Variants in ATP2A1 observed in about 807,000 individuals in gnomAD.
ATP2A1 encodes the protein ATPase sarcoplasmic/endoplasmic reticulum Ca2+ transporting 1.
A neutral mutation model predicts 109.5 loss-of-function variants in ATP2A1; 83 were observed. The observed-to-expected ratio is 0.76, with a 90% confidence interval of 0.63 to 0.91. The LOEUF is 0.91. Among genes scored for constraint, ATP2A1 ranks in the 40% least tolerant of loss-of-function variants. ATP2A1 has a pLI of 0.00. For synonymous variants in ATP2A1, 505 were observed against 537.6 expected, an observed-to-expected ratio of 0.94 and a Z score of 0.84; for missense variants, 1,101 against 1,341.0, an observed-to-expected ratio of 0.82 and a Z score of 2.80.
At chr16:28,882,632 G>A (rs1216762308) in intron 5 of ATP2A1, 43 bp downstream of exon 5, 1 of 1,610,810 alleles carries the variant, frequency 6.2e-7, no homozygotes. Flanking sequence ...AGGCCTTGGG[G>A]CTGAGGCCTA....
chr16:28,891,380 A>C (rs1277059441), intron 9 of ATP2A1, among the ~76,000 whole-genome samples: 1 of 151,920 alleles, frequency 6.6e-6, no homozygotes, highest in Non-Finnish European at 1.5e-5. Flanking sequence ...AGATCACCTG[A>C]GGTCAGGAGT....
intron 6 of ATP2A1, among the ~76,000 whole-genome samples, chr16:28,885,710 T>C (rs1963596416): frequency 6.6e-6 from 1 of 151,952 alleles, no homozygotes. Context: ...GGCTGGATGT[T>C]GTTGCCTACT....
In ATP2A1 at chr16:28,878,541, C is replaced by A; in HGVS notation, c.-131C>A. On this transcript the variant is annotated 5_prime_UTR_variant, in exon 1 of 23. The change creates a new upstream start codon in the 5' untranslated region. Transcript: ENST00000395503. ...AGAGCTTTGTGGAGGGAAGAAAAAC[C>A]TGGAGGGGGCAGGAGAGTAAAAAGA... is the stretch of plus-strand genomic sequence containing the variant. 1 of 833,652 alleles carries A rather than the reference C, an allele frequency of 1.2e-6. No individual in the cohort carries two copies. Among genetic ancestry groups the A allele is most frequent in the Non-Finnish European group, 2.0e-6 (1 of 504,960 alleles). The allele number at this position is 833,652 out of a possible 1,614,324, so 51.6% of individuals were successfully genotyped here.
In ATP2A1 at chr16:28,887,577, C is replaced by T. The variant is rs1963648827; in HGVS notation, c.783C>T (p.Ser261=). The part of the protein sequence containing the change: ...QKLDEFGEQL[S]KVISLICVAV... ...TGGATGAGTTTGGGGAGCAGCTCTC[C>T]AAGGTCATCTCCCTCATCTGTGTGG... is the stretch of plus-strand genomic sequence containing the variant. Residue 261 remains serine, a synonymous_variant, in exon 8 of 23, where the codon TCC becomes TCT. Coordinates refer to ENST00000395503, the MANE Select transcript of ATP2A1 (RefSeq NM_004320.6). 4 of 1,614,070 alleles carry T rather than the reference C, an allele frequency of 2.5e-6. No homozygotes were observed. The highest frequency in any genetic ancestry group is 2.5e-6 in the Non-Finnish European group (3 of 1,179,998).
chr16:28,901,974 G>A lies in ATP2A1; in HGVS notation c.2212G>A (p.Asp738Asn), dbSNP rs769732457. The A allele has an allele frequency of 4.3e-5, 69 of 1,614,216 alleles. 1 individual carries two copies. In the Middle Eastern group the frequency reaches 4.5e-3, roughly 104 times the overall value. The change falls in exon 16 of 23, where the codon GAC becomes AAC. Residue 738 changes from aspartate (D) to asparagine (N), a missense_variant. Asp to Asn is a conservative substitution (Grantham distance 23). Coordinates refer to ENST00000395503, the MANE Select transcript of ATP2A1 (RefSeq NM_004320.6). ...KTASEMVLAD[D>N]NFSTIVAAVE... is the part of the protein sequence containing the mutation. ...TGCCTCTGAGATGGTGCTGGCTGACGACAACTTCTCCACCATCGTAGCTGC... is the reference window on the plus strand; with the variant it reads ...TGCCTCTGAGATGGTGCTGGCTGACAACAACTTCTCCACCATCGTAGCTGC...
chr16:28,900,733 T>G lies in ATP2A1; in HGVS notation c.1917T>G (p.Ile639Met), dbSNP rs759274132. Residue 639 changes from isoleucine (I) to methionine (M), a missense_variant, in exon 15 of 23, where the codon ATT becomes ATG. Transcript: ENST00000395503. ...CAGCCATTGCCATCTGCCGGCGAAT[T>G]GGCATCTTTGGGGAGAACGAGGAGG... is the stretch of plus-strand genomic sequence containing the variant. The part of the protein sequence containing the change: ...KGTAIAICRR[I>M]GIFGENEEVA... The G allele has an allele frequency of 1.7e-5, 27 of 1,614,028 alleles. No homozygotes were observed. Among genetic ancestry groups the G allele is most frequent in the Non-Finnish European group, 2.3e-5 (27 of 1,180,020 alleles).
chr16:28,879,624 A>C lies in ATP2A1; in HGVS notation c.219+41A>C, dbSNP rs367744011. ...TCTCTGGGGGCTGGCTGGGGGTGTG[A>C]GGCTGGGATCGGGCGAATGCGGGGC... is the stretch of plus-strand genomic sequence containing the variant. On this transcript the variant is annotated intron_variant, in intron 3 of 22. Coordinates refer to ENST00000395503, the MANE Select transcript of ATP2A1 (RefSeq NM_004320.6). 16 of 1,598,206 alleles carry C rather than the reference A, an allele frequency of 1.0e-5. No homozygotes were observed. In the African/African-American group the frequency reaches 1.9e-4, roughly 19 times the overall value.
intron 15 of ATP2A1, 96 bp downstream of exon 15, chr16:28,901,012 A>G (rs756214720): frequency 6.2e-6 from 9 of 1,458,174 alleles, no homozygotes; most frequent in South Asian, 2.3e-5. Flanking sequence ...GGGCCCTGGT[A>G]AGATGCAAGA....
Position 28,879,133 on chromosome 16 carries a change from C to T in ATP2A1, c.136+17C>T, listed in dbSNP as rs1464924105. 3.7e-6 allele frequency: 6 copies of T among 1,613,908 alleles called. No homozygotes were observed. The highest frequency in any genetic ancestry group is 5.1e-6 in the Non-Finnish European group (6 of 1,179,956). ...CTGAGGAAGGTAAGTTACTGGAATCCCTGAACTCTCATAAATGACCACCCC... is the reference window on the plus strand; with the variant it reads ...CTGAGGAAGGTAAGTTACTGGAATCTCTGAACTCTCATAAATGACCACCCC... On this transcript the variant is annotated intron_variant, in intron 2 of 22. Coordinates refer to ENST00000395503, the MANE Select transcript of ATP2A1 (RefSeq NM_004320.6).
rs1963990655 is a variant in ATP2A1 at position 28,898,889 on chromosome 16, G to A, written c.1764+438G>A. On this transcript the variant is annotated intron_variant, in intron 14 of 22. Transcript: ENST00000395503. This position sits in a 1 kb window ranked among gnomAD's most constrained non-coding sequence, Gnocchi z 4.0. ...ACCCAGCTACTGGGGAGCCTGAGGT[G>A]GGAGGATCACTTGAACCTAGGAGTT... 6.6e-6 allele frequency among the ~76,000 whole-genome samples: 1 copy of A among 152,122 alleles called. No homozygotes were observed. Among genetic ancestry groups the A allele is most frequent in the African/African-American group, 2.4e-5 (1 of 41,404 alleles).
intron 9 of ATP2A1, among the ~76,000 whole-genome samples, chr16:28,893,752 C>T (rs774066655): frequency 2.0e-5 from 3 of 150,418 alleles, no homozygotes; most frequent in Non-Finnish European, 2.9e-5. Context: ...CAGGTTCAAG[C>T]GATTCTCCTG....
rs371545107 is a variant in ATP2A1 at position 28,888,897 on chromosome 16, G to A, written c.1039G>A (p.Val347Ile). 1.4e-5 allele frequency: 22 copies of A among 1,613,984 alleles called. 1 individual carries two copies. Among genetic ancestry groups the A allele is most frequent in the Non-Finnish European group, 1.8e-5 (21 of 1,180,024 alleles). ...CGTAGAGACCCTGGGCTGCACCTCT[G>A]TCATCTGTTCCGACAAGACAGGCAC... ...PSVETLGCTS[V>I]ICSDKTGTLT... The change falls in exon 9 of 23, where the codon GTC (valine) becomes ATC (isoleucine). Residue 347 changes from valine (V) to isoleucine (I), a missense_variant. Physicochemically the swap from Val to Ile is conservative, Grantham distance 29 (BLOSUM62 3). Transcript: ENST00000395503.
chr16:28,879,016 C>A, intron 1 of ATP2A1, 83 bp from the exon 2 acceptor site: 2 of 1,577,222 alleles, frequency 1.3e-6, no homozygotes, highest in Non-Finnish European at 1.7e-6. Context: ...TGGCCTGATT[C>A]TCTTAGCCAC....
In ATP2A1 at chr16:28,898,031, C is replaced by A; in HGVS notation, c.1451C>A (p.Thr484Asn). ...CGCCAGCTAATGAAGAAGGAATTCA[C>A]CCTGGAGTTCTCCCGAGACAGAAAG... is the stretch of plus-strand genomic sequence containing the variant. ...VIRQLMKKEFTLEFSRDRKSM... is the reference protein window; with the variant it reads ...VIRQLMKKEFNLEFSRDRKSM... The change falls in exon 13 of 23, where the codon ACC becomes AAC. Residue 484 changes from threonine (T) to asparagine (N), a missense_variant. Thr to Asn is a moderately conservative substitution (Grantham distance 65). Transcript: ENST00000395503. The surrounding 1 kb of genome is among the most constrained non-coding windows in gnomAD (Gnocchi z 4.0). The A allele has an allele frequency of 6.2e-7, 1 of 1,614,202 alleles. No homozygotes were observed. Among genetic ancestry groups the A allele is most frequent in the Non-Finnish European group, 8.5e-7 (1 of 1,180,036 alleles).
chr16:28,887,863 T>C (rs973964857), intron 8 of ATP2A1, 141 bp downstream of exon 8: 50 of 1,119,140 alleles, frequency 4.5e-5, no homozygotes, highest in African/African-American at 3.5e-4. Flanking sequence ...TGCAGTGGCG[T>C]GATCTCGGCT....
intron 5 of ATP2A1, 53 bp downstream of exon 5, chr16:28,882,642 A>G: frequency 1.9e-6 from 3 of 1,606,404 alleles, no homozygotes; most frequent in Non-Finnish European, 2.6e-6. Context: ...GCTGAGGCCT[A>G]GGAGATGCCG....
At chr16:28,887,013 GAGCA>G (rs1433877526) in intron 6 of ATP2A1, among the ~76,000 whole-genome samples, 172 bp from the exon 7 acceptor site, 22 of 149,836 alleles carry the variant, frequency 1.5e-4, no homozygotes, top group Non-Finnish European at 3.1e-4. Flanking sequence ...AAAAAAAAAG[GAGCA>G]ATGGACTTCC....
At position 28,903,055 on chromosome 16, in the gene ATP2A1, C is replaced by T. The variant is rs1318387122; in HGVS notation, c.2770C>T (p.Arg924Trp). The T allele has an allele frequency of 6.2e-7, 1 of 1,613,848 alleles. No individual in the cohort carries two copies. The highest frequency in any genetic ancestry group is 1.1e-5 in the South Asian group (1 of 91,086). Reference protein sequence around the residue: ...NSLSENQSLLRMPPWVNIWLL... With the variant: ...NSLSENQSLLWMPPWVNIWLL... ...CCTGTCCGAGAACCAGTCCCTGCTG[C>T]GGATGCCACCCTGGGTGAACATCTG... Residue 924 changes from arginine to tryptophan, a missense_variant, in exon 20 of 23, where the codon CGG becomes TGG. Arg to Trp is a moderately radical substitution (Grantham distance 101). Transcript: ENST00000395503. This position sits in a 1 kb window ranked among gnomAD's most constrained non-coding sequence, Gnocchi z 5.6.
In ATP2A1 at chr16:28,902,584, T is replaced by G; in HGVS notation, c.2529T>G (p.Tyr843Ter). 1 of 1,613,994 alleles carries G rather than the reference T, an allele frequency of 6.2e-7. No individual in the cohort carries two copies. Reference sequence around the variant, plus strand: ...ACTCCCCTCTCTCCACCACAGGCTATGTGGGTGCAGCCACCGTGGGAGCAG... The same window carrying G: ...ACTCCCCTCTCTCCACCACAGGCTAGGTGGGTGCAGCCACCGTGGGAGCAG... ...LFFRYMAIGG[Y>*]VGAATVGAAA... The change falls in exon 18 of 23, where the codon TAT (tyrosine) becomes TAG (stop). Residue 843 changes from tyrosine to a stop codon, truncating the protein, a stop_gained. Transcript: ENST00000395503. LOFTEE classifies it high-confidence loss of function. This position sits in a 1 kb window ranked among gnomAD's most constrained non-coding sequence, Gnocchi z 4.8.
Sources: gnomAD v4.1 joint callset for allele counts (sites outside exome capture counted in the v4.1 genomes callset) on GRCh38, gnomAD v4.1.1 for gene constraint, Gnocchi (gnomAD v3.1) non-coding constraint, MANE v1.5 for transcripts, NCBI Gene and HGNC (gene_info 2026-07-23, HGNC 2026-07-21) for gene names.